CHCHD3: variants seen among roughly 807,000 people sequenced by gnomAD.
The protein encoded by CHCHD3 is coiled-coil-helix-coiled-coil-helix domain containing 3.
CHCHD3 carries 20 observed loss-of-function variants against 38.2 expected under a neutral mutation model. The ratio of observed to expected loss-of-function variants is 0.52; its 90% CI spans 0.37 to 0.76. CHCHD3 has a LOEUF of 0.76. Among genes scored for constraint, CHCHD3 ranks in the 30% least tolerant of loss-of-function variants. The pLI is 0.00. For synonymous variants in CHCHD3, 82 were observed against 100.0 expected, an observed-to-expected ratio of 0.82 and a Z score of 1.07; for missense variants, 245 against 279.2, an observed-to-expected ratio of 0.88 and a Z score of 0.87.
chr7:133,052,346 T>C (rs28734923), intron 2 of CHCHD3, among the ~76,000 whole-genome samples: 1,578 of 152,296 alleles, frequency 0.01, 31 homozygotes, highest in African/African-American at 0.036. Flanking sequence ...AGGAGAGGAA[T>C]GCAATCGTTG....
At chr7:132,952,815 G>A (rs926788880) in intron 4 of CHCHD3, among the ~76,000 whole-genome samples, 5 of 152,268 alleles carry the variant, frequency 3.3e-5, no homozygotes, top group African/African-American at 9.6e-5. Flanking sequence ...AATGGGAGTT[G>A]GCCTCAAGGC....
intron 6 of CHCHD3, among the ~76,000 whole-genome samples, chr7:132,818,695 C>T (rs943014117): frequency 6.6e-6 from 1 of 152,086 alleles, no homozygotes; most frequent in Non-Finnish European, 1.5e-5. Context: ...AAAAACAGTC[C>T]TTAAAAATAG....
chr7:132,794,294 A>AT (rs1360153444), intron 7 of CHCHD3, among the ~76,000 whole-genome samples: 2 of 152,192 alleles, frequency 1.3e-5, no homozygotes. Context: ...GTATTTTGAA[A>AT]TTTTTTGTTT....
At chr7:133,043,470 C>T (rs1333522161) in intron 2 of CHCHD3, among the ~76,000 whole-genome samples, 1 of 151,942 alleles carries the variant, frequency 6.6e-6, no homozygotes, top group Admixed American at 6.6e-5. Flanking sequence ...GGCGAAACTC[C>T]GTGTCTACTA....
At chr7:132,930,963 T>TG (rs1454314425) in intron 4 of CHCHD3, among the ~76,000 whole-genome samples, 2 of 152,240 alleles carry the variant, frequency 1.3e-5, no homozygotes, top group African/African-American at 4.8e-5. Flanking sequence ...TTTGTGCTTC[T>TG]ATCTATATGC....
In CHCHD3 at chr7:132,992,799, G is replaced by C. The variant is rs149178215; in HGVS notation, c.252-17513C>G. ...GAGTTACTTTTTTTTGTTTGTTTTT[G>C]CCTTTTCAGCTCTTAAGTGCCTCAT... On this transcript the variant is annotated intron_variant, in intron 3 of 7. Transcript: ENST00000262570. Among the ~76,000 whole-genome samples, 865 of 151,846 alleles carry C rather than the reference G, an allele frequency of 5.7e-3. 7 individuals carry two copies. The highest frequency in any genetic ancestry group is 0.02 in the African/African-American group (826 of 41,416).
At chr7:133,072,695 T>C (rs970539991) in intron 1 of CHCHD3, among the ~76,000 whole-genome samples, 1 of 151,716 alleles carries the variant, frequency 6.6e-6, no homozygotes, top group Non-Finnish European at 1.5e-5. Context: ...AAAAATTAGC[T>C]GGGCGTGGTG....
At chr7:133,046,810 G>A (rs1482344188) in intron 2 of CHCHD3, among the ~76,000 whole-genome samples, 8 of 152,130 alleles carry the variant, frequency 5.3e-5, no homozygotes, top group East Asian at 3.9e-4. Context: ...TGATCTGCCC[G>A]TCTCGGCCTC....
chr7:133,003,979 C>T (rs550987810), intron 3 of CHCHD3, among the ~76,000 whole-genome samples: 78 of 147,120 alleles, frequency 5.3e-4, no homozygotes, highest in East Asian at 1.6e-3. Context: ...TTTTTTGAGA[C>T]GGAGTTTTGC....
At chr7:132,806,741 C>G (rs531151280) in intron 6 of CHCHD3, among the ~76,000 whole-genome samples, 1 of 151,698 alleles carries the variant, frequency 6.6e-6, no homozygotes, top group East Asian at 1.9e-4. Flanking sequence ...GATTAAAGAG[C>G]CAAAACACTT....
intron 2 of CHCHD3, among the ~76,000 whole-genome samples, chr7:133,038,268 ATATAT>A (rs1328565753): frequency 2.6e-5 from 4 of 152,108 alleles, no homozygotes; most frequent in African/African-American, 7.2e-5. Context: ...ATATTATATG[ATATAT>A]TATATTATAG....
rs1427197726 is a variant in CHCHD3 at position 132,821,825 on chromosome 7, C to T, written c.524+16574G>A. Among the ~76,000 whole-genome samples, 5 of 143,970 alleles carry T rather than the reference C, an allele frequency of 3.5e-5. No individual in the cohort carries two copies. In the East Asian group the frequency reaches 1.0e-3, roughly 30 times the overall value. The allele number at this position is 143,970 out of a possible 152,430, so 94.4% of individuals were successfully genotyped here. Reference sequence around the variant, plus strand: ...GGCCGGACTGCGGACTGCAGTGGCGCAATCTCGGCTCACTGCAAGCTCCGC... The same window carrying T: ...GGCCGGACTGCGGACTGCAGTGGCGTAATCTCGGCTCACTGCAAGCTCCGC... On this transcript the variant is annotated intron_variant, in intron 6 of 7. Transcript: ENST00000262570.
At chr7:132,911,192 AAGG>A (rs1348532897) in intron 4 of CHCHD3, among the ~76,000 whole-genome samples, 1 of 152,210 alleles carries the variant, frequency 6.6e-6, no homozygotes, top group Non-Finnish European at 1.5e-5. Flanking sequence ...ACACTAAAGC[AAGG>A]ACAGAGAGCA....
intron 4 of CHCHD3, among the ~76,000 whole-genome samples, chr7:132,954,876 C>G (rs1461045979): frequency 6.6e-6 from 1 of 152,150 alleles, no homozygotes; most frequent in Non-Finnish European, 1.5e-5. Context: ...AAGCATAAGC[C>G]TGATCACAGA....
At chr7:132,973,337 C>T (rs1419718416) in intron 4 of CHCHD3, 1 of 985,300 alleles carries the variant, frequency 1.0e-6, no homozygotes, top group African/African-American at 1.7e-5. Context: ...CCTTAGCTTC[C>T]AAATTTGGAG....
intron 1 of CHCHD3, among the ~76,000 whole-genome samples, chr7:133,076,687 C>G (rs1815000069): frequency 6.6e-6 from 1 of 152,200 alleles, no homozygotes; most frequent in South Asian, 2.1e-4. Context: ...AAACACTACC[C>G]ACCAATCCAA....
At chr7:132,862,156 C>T (rs539408067) in intron 5 of CHCHD3, among the ~76,000 whole-genome samples, 22 of 145,272 alleles carry the variant, frequency 1.5e-4, no homozygotes, top group African/African-American at 4.6e-4. Flanking sequence ...AAAGAAGAAA[C>T]GAATGAAATA....
chr7:133,062,804 G>A (rs775422164), intron 2 of CHCHD3, among the ~76,000 whole-genome samples: 5 of 152,108 alleles, frequency 3.3e-5, no homozygotes, highest in Non-Finnish European at 5.9e-5. Context: ...CAAGTAGGGA[G>A]TGTCCGGCCC....
Position 132,802,039 on chromosome 7 carries a change from T to A in CHCHD3, c.525-5462A>T, listed in dbSNP as rs1348300074. Among the ~76,000 whole-genome samples, 4 of 152,284 alleles carry A rather than the reference T, an allele frequency of 2.6e-5. No individual in the cohort carries two copies. The East Asian group carries it at 7.7e-4, about 29-fold the overall frequency. ...CTATCCCTGCTAAAATGAGCAACAGTACTCTATATACACAGATACACAGTT... is the reference window on the plus strand; with the variant it reads ...CTATCCCTGCTAAAATGAGCAACAGAACTCTATATACACAGATACACAGTT... On this transcript the variant is annotated intron_variant, in intron 6 of 7. Transcript: ENST00000262570.
Sources: allele counts gnomAD v4.1 joint callset (sites outside exome capture counted in the v4.1 genomes callset), GRCh38; gene constraint gnomAD v4.1.1; transcripts MANE v1.5; gene names NCBI Gene and HGNC (gene_info 2026-07-23, HGNC 2026-07-21).